The following SMPD3 variants were observed in gnomAD, a reference collection of about 807,000 sequenced individuals.
The protein encoded by SMPD3 is sphingomyelin phosphodiesterase 3, also known as nSMase-2.
Under a neutral mutation model 55.7 loss-of-function variants are expected in SMPD3, and 21 were observed. The observed-to-expected ratio is 0.38, with a 90% CI of 0.27 to 0.54. SMPD3 has a LOEUF of 0.54. Ranked by LOEUF, SMPD3 falls within the 20% of genes least tolerant of loss-of-function variation. The pLI, the probability that SMPD3 is intolerant of heterozygous loss-of-function variation, is 0.80. For missense variants in SMPD3, 842 were observed against 899.6 expected (o/e 0.94, Z 0.82); for synonymous variants, 457 against 404.3 (o/e 1.13, Z -1.56).
intron 1 of SMPD3, among the ~76,000 whole-genome samples, chr16:68,410,538 T>C (rs1163581613): frequency 1.3e-5 from 2 of 152,196 alleles, no homozygotes; most frequent in Non-Finnish European, 2.9e-5. Flanking sequence ...TTAAAAATCA[T>C]AGTAGATACT....
chr16:68,394,229 G>A lies in SMPD3; in HGVS notation c.-268-7570C>T, dbSNP rs541225601. On this transcript the variant is annotated intron_variant, in intron 1 of 8. Transcript: ENST00000219334. ...GTCTCTCTCTTCTAGGCCTACTTTA[G>A]GGCTGTGATACCATTTTCCATTTTC... 2.0e-5 allele frequency among the ~76,000 whole-genome samples: 3 copies of A among 152,082 alleles called. No homozygotes were observed. The East Asian group carries it at 5.8e-4, about 29-fold the overall frequency.
intron 4 of SMPD3, 46 bp from the exon 5 acceptor site, chr16:68,364,952 A>G: frequency 6.2e-7 from 1 of 1,613,234 alleles, no homozygotes. Flanking sequence ...TTCGCCCCAG[A>G]CCCCAGCTAG....
rs2090619235 is a variant in SMPD3 at position 68,447,465 on chromosome 16, G to C, written c.-269+888C>G. ...GTCTCGACTTAGAGCCCCAGGCCTGGATCCAGGTAGGGAGGGCCTGGGAGA... is the reference window on the plus strand; with the variant it reads ...GTCTCGACTTAGAGCCCCAGGCCTGCATCCAGGTAGGGAGGGCCTGGGAGA... On this transcript the variant is annotated intron_variant, in intron 1 of 8. Transcript: ENST00000219334. The surrounding 1 kb of genome is among the most constrained non-coding windows in gnomAD (Gnocchi z 5.1). 6.6e-6 allele frequency among the ~76,000 whole-genome samples: 1 copy of C among 152,198 alleles called. No homozygotes were observed. Among genetic ancestry groups the C allele is most frequent in the South Asian group, 2.1e-4 (1 of 4,832 alleles).
At chr16:68,418,656 C>T (rs2090359229) in intron 1 of SMPD3, among the ~76,000 whole-genome samples, 1 of 152,188 alleles carries the variant, frequency 6.6e-6, no homozygotes, top group Non-Finnish European at 1.5e-5. Flanking sequence ...CACTAGCACC[C>T]CATATACCAC....
In SMPD3 at chr16:68,370,908, T is replaced by G; in HGVS notation, c.1274A>C (p.Asn425Thr). 1 of 1,614,046 alleles carries G rather than the reference T, an allele frequency of 6.2e-7. No individual in the cohort carries two copies. ...IMDVAYHCYP[N>T]KCNDDALASK... ...GGCCAGGGCATCGTCGTTACACTTG[T>G]TGGGGTAACAGTGATAGGCCACGTC... Residue 425 changes from asparagine (N) to threonine (T), a missense_variant, in exon 3 of 9, where the codon AAC (asparagine) becomes ACC (threonine). This residue lies in a region of SMPD3 where 649 missense variants were observed against 643.6 expected (regional missense o/e 1.01). Coordinates refer to ENST00000219334, the MANE Select transcript of SMPD3 (RefSeq NM_018667.4).
chr16:68,420,212 G>T (rs2090380521), intron 1 of SMPD3, among the ~76,000 whole-genome samples: 1 of 151,914 alleles, frequency 6.6e-6, no homozygotes, highest in Non-Finnish European at 1.5e-5. Context: ...CAAAGTGCTG[G>T]GATTATACGT....
chr16:68,364,008 TC>T, intron 5 of SMPD3, 142 bp from the exon 6 acceptor site: 1 of 694,084 alleles, frequency 1.4e-6, no homozygotes, highest in Non-Finnish European at 2.4e-6. Context: ...GGGATCTCAG[TC>T]CCATTCAGGT....
At chr16:68,438,556 G>A (rs574880822) in intron 1 of SMPD3, among the ~76,000 whole-genome samples, 1 of 152,252 alleles carries the variant, frequency 6.6e-6, no homozygotes, top group East Asian at 1.9e-4. Flanking sequence ...ACACTTGTTA[G>A]TCTGACATTC....
intron 1 of SMPD3, among the ~76,000 whole-genome samples, chr16:68,397,726 C>T (rs1406815970): frequency 2.6e-5 from 4 of 152,192 alleles, no homozygotes; most frequent in Admixed American, 2.0e-4. Context: ...TGGAATTCCA[C>T]GCCTTGCTTG....
intron 1 of SMPD3, among the ~76,000 whole-genome samples, chr16:68,390,167 G>T (rs1272575860): frequency 6.6e-6 from 1 of 152,208 alleles, no homozygotes; most frequent in East Asian, 1.9e-4. Context: ...AAACTGTCAC[G>T]GCGCTGGTGG....
At chr16:68,388,404 C>T (rs1012697383) in intron 1 of SMPD3, among the ~76,000 whole-genome samples, 11 of 152,184 alleles carry the variant, frequency 7.2e-5, no homozygotes, top group Non-Finnish European at 7.3e-5. Flanking sequence ...CCTTCACCCT[C>T]TTGCTGGGCT....
At chr16:68,383,682 G>T (rs1488389489) in intron 2 of SMPD3, among the ~76,000 whole-genome samples, 1 of 152,046 alleles carries the variant, frequency 6.6e-6, no homozygotes, top group African/African-American at 2.4e-5. Context: ...ATCCCTTGTG[G>T]GTTACCTGTT....
chr16:68,378,614 T>C (rs1425228139), intron 2 of SMPD3, among the ~76,000 whole-genome samples: 1 of 151,618 alleles, frequency 6.6e-6, no homozygotes, highest in Non-Finnish European at 1.5e-5. Flanking sequence ...ACGTGTCTGT[T>C]TGCACGTCCT....
intron 1 of SMPD3, among the ~76,000 whole-genome samples, chr16:68,442,564 G>A (rs1181944166): frequency 6.6e-6 from 1 of 152,224 alleles, no homozygotes; most frequent in Non-Finnish European, 1.5e-5. Flanking sequence ...TTGCCAGAAT[G>A]ATCACAACAG....
chr16:68,429,207 T>C (rs1178851250), intron 1 of SMPD3, among the ~76,000 whole-genome samples: 1 of 152,222 alleles, frequency 6.6e-6, no homozygotes, highest in African/African-American at 2.4e-5. Flanking sequence ...CCAATGCCTG[T>C]CTGCTTTCTT....
intron 3 of SMPD3, among the ~76,000 whole-genome samples, chr16:68,366,519 G>A (rs1386990804): frequency 1.3e-5 from 2 of 152,212 alleles, no homozygotes; most frequent in African/African-American, 4.8e-5. Flanking sequence ...AGATCACGCA[G>A]CATTGATGGT....
chr16:68,376,396 G>A (rs1468433232), intron 2 of SMPD3, among the ~76,000 whole-genome samples: 5 of 152,190 alleles, frequency 3.3e-5, no homozygotes, highest in Non-Finnish European at 2.9e-5. Flanking sequence ...CCATGCCCCC[G>A]CTCTCTGCTT....
intron 1 of SMPD3, among the ~76,000 whole-genome samples, chr16:68,427,922 C>A (rs1465980696): frequency 1.3e-5 from 2 of 152,102 alleles, no homozygotes; most frequent in African/African-American, 4.8e-5. Context: ...GTCCCTTGTT[C>A]CCTGTGCTCG....
chr16:68,445,071 T>C (rs2090599740), intron 1 of SMPD3, among the ~76,000 whole-genome samples: 1 of 152,246 alleles, frequency 6.6e-6, no homozygotes, highest in Non-Finnish European at 1.5e-5. Flanking sequence ...GGACTGAGCA[T>C]GTCTTATCTC....
Sources: gnomAD v4.1 joint callset for allele counts (sites outside exome capture counted in the v4.1 genomes callset) on GRCh38, gnomAD v4.1.1 for gene constraint, gnomAD v4.1.1 regional missense constraint, Gnocchi (gnomAD v3.1) non-coding constraint, MANE v1.5 for transcripts, NCBI Gene and HGNC (gene_info 2026-07-23, HGNC 2026-07-21) for gene names.